HSPBAP1: variants seen among roughly 807,000 people sequenced by gnomAD.
HSPBAP1 encodes HSPB1 associated protein 1.
HSPBAP1 carries 27 observed loss-of-function variants against 45.2 expected under a neutral mutation model. That is an observed-to-expected ratio of 0.60 (90% CI 0.44 to 0.82). HSPBAP1 has a LOEUF of 0.82. Ranked by LOEUF, HSPBAP1 falls within the 40% of genes least tolerant of loss-of-function variation. The pLI is 0.00. For synonymous variants in HSPBAP1, 204 were observed against 202.7 expected (o/e 1.01, Z -0.06); for missense variants, 510 against 590.9 (o/e 0.86, Z 1.42).
chr3:122,789,678 A>C (rs182708470), intron 1 of HSPBAP1, among the ~76,000 whole-genome samples: 1 of 152,140 alleles, frequency 6.6e-6, no homozygotes, highest in Non-Finnish European at 1.5e-5. Context: ...GCAATGTATA[A>C]AACTTTATTG....
rs78317309 is a variant in HSPBAP1, at chr3:122,755,339, T to C, written c.662A>G (p.Asn221Ser). The change falls in exon 5 of 8, where the codon AAT becomes AGT. Residue 221 changes from asparagine (N) to serine (S), a missense_variant. Coordinates refer to ENST00000306103, the MANE Select transcript of HSPBAP1 (RefSeq NM_024610.6). ...YEESSVFSKI[N>S]VVNPDLKRFP... ...ACGCTTTAAATCAGGATTGACAACATTGATTTTACTGAACACACTAGATTC... is the reference window on the plus strand; with the variant it reads ...ACGCTTTAAATCAGGATTGACAACACTGATTTTACTGAACACACTAGATTC... The C allele has an allele frequency of 3.7e-5, 60 of 1,606,600 alleles. No individual in the cohort carries two copies. The highest frequency in any genetic ancestry group is 1.7e-4 in the Middle Eastern group (1 of 6,026).
chr3:122,778,206 GT>G (rs71136591), intron 1 of HSPBAP1, among the ~76,000 whole-genome samples: 3 of 77,542 alleles, frequency 3.9e-5, no homozygotes, highest in East Asian at 2.3e-4. Context: ...TCAACAGGTA[GT>G]TTTTTTTGTT....
intron 3 of HSPBAP1, among the ~76,000 whole-genome samples, chr3:122,760,591 T>A (rs1934540952): frequency 6.6e-6 from 1 of 152,036 alleles, no homozygotes. Flanking sequence ...GCTGAATACG[T>A]GCACATAATT....
At chr3:122,773,350 C>T (rs1935075969) in intron 2 of HSPBAP1, among the ~76,000 whole-genome samples, 2 of 139,296 alleles carry the variant, frequency 1.4e-5, no homozygotes, top group Admixed American at 1.5e-4. Flanking sequence ...CACTCTGTGG[C>T]CCAGGTTGGA....
chr3:122,756,260 C>G (rs1009008290), intron 4 of HSPBAP1, among the ~76,000 whole-genome samples: 15 of 152,176 alleles, frequency 9.9e-5, no homozygotes, highest in African/African-American at 3.4e-4. Flanking sequence ...TAGAATGGGG[C>G]TATCAAGTCC....
intron 6 of HSPBAP1, among the ~76,000 whole-genome samples, chr3:122,747,579 A>G (rs1317326487): frequency 2.1e-4 from 17 of 82,512 alleles, no homozygotes; most frequent in African/African-American, 4.3e-4. Flanking sequence ...TCCGGGAGGG[A>G]GGTGGGGGGT....
chr3:122,769,123 C>A (rs1034538398), intron 2 of HSPBAP1, among the ~76,000 whole-genome samples: 1 of 151,446 alleles, frequency 6.6e-6, no homozygotes, highest in South Asian at 2.1e-4. Context: ...AAAACCCCAT[C>A]TCCAAAAAAA....
At chr3:122,780,731 G>C (rs1249838941) in intron 1 of HSPBAP1, among the ~76,000 whole-genome samples, 19 of 150,728 alleles carry the variant, frequency 1.3e-4, no homozygotes, top group African/African-American at 4.6e-4. Context: ...GGTGGCTGCC[G>C]GGCGGAGGGG....
rs146510791 is a variant in HSPBAP1, at chr3:122,740,382, A to G, written c.1430T>C (p.Ile477Thr). 6 of 1,613,142 alleles carry G rather than the reference A, an allele frequency of 3.7e-6. No homozygotes were observed. In the East Asian group the frequency reaches 1.3e-4, roughly 36 times the overall value. The part of the protein sequence containing the change: ...DCLVNPQVTR[I>T]VAQLLIQGRS... ...TCCTTGTATCAAAAGTTGTGCCACT[A>G]TCCTGGTTACTTGTGGATTCACCAA... Residue 477 changes from isoleucine (I) to threonine (T), a missense_variant, in exon 8 of 8, where the codon ATA becomes ACA. Coordinates refer to ENST00000306103, the MANE Select transcript of HSPBAP1 (RefSeq NM_024610.6).
intron 1 of HSPBAP1, among the ~76,000 whole-genome samples, chr3:122,778,524 T>A (rs1455811936): frequency 3.8e-4 from 14 of 37,310 alleles, no homozygotes; most frequent in African/African-American, 6.5e-4. Flanking sequence ...TTTTTTTTTA[T>A]TTTTTTTTTT....
chr3:122,781,346 A>G (rs1935461798), intron 1 of HSPBAP1, among the ~76,000 whole-genome samples: 2 of 152,238 alleles, frequency 1.3e-5, no homozygotes, highest in African/African-American at 2.4e-5. Context: ...CGTGGTTAGG[A>G]GCTGGAGACC....
At chr3:122,758,073 T>C (rs574800527) in intron 4 of HSPBAP1, among the ~76,000 whole-genome samples, 1 of 152,364 alleles carries the variant, frequency 6.6e-6, no homozygotes, top group Admixed American at 6.5e-5. Flanking sequence ...GTGAAATGTA[T>C]CCACAGACAT....
intron 5 of HSPBAP1, chr3:122,754,727 G>A (rs1934280374): frequency 1.7e-5 from 17 of 985,488 alleles, no homozygotes; most frequent in Non-Finnish European, 2.0e-5. Context: ...TCCTCACTGG[G>A]AAGCAGCACT....
chr3:122,785,470 GCCTT>G (rs1935622830), intron 1 of HSPBAP1, among the ~76,000 whole-genome samples: 1 of 152,146 alleles, frequency 6.6e-6, no homozygotes, highest in Non-Finnish European at 1.5e-5. Flanking sequence ...ACCTTGGCCT[GCCTT>G]CAGCAAGAAT....
In HSPBAP1 at chr3:122,793,813, C is replaced by T. The variant is rs1935919488; in HGVS notation, c.-133G>A. 2 of 712,022 alleles carry T rather than the reference C, an allele frequency of 2.8e-6. No individual in the cohort carries two copies. The highest frequency in any genetic ancestry group is 3.5e-5 in the South Asian group (2 of 57,460). 44.1% of individuals were successfully genotyped at this position (712,022 alleles called of 1,614,324 possible). ...CCCGGCGACTCCCGCCCGGCTCCTA[C>T]GGAAACGCCGGCTCTCACGTGGAGG... On this transcript the variant is annotated 5_prime_UTR_variant, in exon 1 of 8. Coordinates refer to ENST00000306103, the MANE Select transcript of HSPBAP1 (RefSeq NM_024610.6).
rs1171391921 is a variant in HSPBAP1 at position 122,793,757 on chromosome 3, C to T, written c.-77G>A. ...TGGGGTCAGAGTAGGGGCCAAACTC[C>T]GAGACCCGAAGCTGCACCACAGGAA... On this transcript the variant is annotated 5_prime_UTR_variant, in exon 1 of 8. Transcript: ENST00000306103. 7.3e-6 allele frequency: 10 copies of T among 1,369,452 alleles called. No individual in the cohort carries two copies. In the East Asian group the frequency reaches 1.6e-4, roughly 22 times the overall value. 84.8% of individuals were successfully genotyped at this position (1,369,452 alleles called of 1,614,324 possible).
intron 1 of HSPBAP1, among the ~76,000 whole-genome samples, chr3:122,781,410 T>A (rs964080808): frequency 6.6e-6 from 1 of 151,940 alleles, no homozygotes; most frequent in African/African-American, 2.4e-5. Context: ...CGAAAACCAG[T>A]CAGGCGTGGC....
chr3:122,783,341 T>C (rs1935552335), intron 1 of HSPBAP1, among the ~76,000 whole-genome samples: 1 of 152,218 alleles, frequency 6.6e-6, no homozygotes, highest in Admixed American at 6.5e-5. Context: ...CAAGATTACC[T>C]ATATTGCAGT....
At chr3:122,758,850 C>T (rs1201301384) in intron 4 of HSPBAP1, 2 of 445,938 alleles carry the variant, frequency 4.5e-6, no homozygotes, top group Non-Finnish European at 8.9e-6. Flanking sequence ...CATTGCACTC[C>T]AGCCTGGGCA....
Sources: gnomAD v4.1 joint callset for allele counts (sites outside exome capture counted in the v4.1 genomes callset) on GRCh38, gnomAD v4.1.1 for gene constraint, MANE v1.5 for transcripts, NCBI Gene and HGNC (gene_info 2026-07-23, HGNC 2026-07-21) for gene names.